STK26: variants seen among roughly 807,000 people sequenced by gnomAD.
The protein encoded by STK26 is serine/threonine-protein kinase 26.
A neutral mutation model predicts 34.7 loss-of-function variants in STK26; 14 were observed. The observed-to-expected ratio is 0.40, with a 90% CI of 0.27 to 0.63. The LOEUF (loss-of-function observed/expected upper bound fraction) is 0.63, where lower values mean the gene tolerates loss of function less well. STK26 is among the 30% of genes least tolerant of loss of function. STK26 has a pLI of 0.38. For missense variants in STK26, 226 were observed against 309.1 expected (o/e 0.73, Z 2.02); for synonymous variants, 100 against 109.8 (o/e 0.91, Z 0.56).
chrX:132,034,431 C>T (rs1020395843), intron 2 of STK26, among the ~76,000 whole-genome samples: 40 of 105,239 alleles, frequency 3.8e-4, no homozygotes, highest in Non-Finnish European at 6.3e-4. Flanking sequence ...CTCAGCCTCC[C>T]GAGTAGCTGG....
chrX:132,057,134 G>C (rs1926887802), intron 3 of STK26, among the ~76,000 whole-genome samples: 1 of 112,404 alleles, frequency 8.9e-6, no homozygotes, highest in African/African-American at 3.2e-5. Flanking sequence ...GGCACTAGTG[G>C]AGTGGCCATG....
At chrX:132,055,474 C>T (rs1926825581) in intron 3 of STK26, 1 of 1,154,893 alleles carries the variant, frequency 8.7e-7, no homozygotes, top group South Asian at 1.9e-5. Context: ...GATTAGCAGA[C>T]ACCTGAAGTT....
chrX:132,027,150 A>T (rs1935116958), intron 2 of STK26, among the ~76,000 whole-genome samples: 2 of 112,167 alleles, frequency 1.8e-5, no homozygotes, highest in South Asian at 3.7e-4. Flanking sequence ...CTGACCCTAA[A>T]GTCTTGTTAG....
At chrX:132,062,308 T>C (rs1010244486) in intron 3 of STK26, among the ~76,000 whole-genome samples, 1 of 112,153 alleles carries the variant, frequency 8.9e-6, no homozygotes, top group African/African-American at 3.2e-5. Flanking sequence ...GTATTTAAGC[T>C]ATAGCTAAAA....
chrX:132,073,853 A>G (rs1429926343), intron 11 of STK26, among the ~76,000 whole-genome samples: 1 of 111,471 alleles, frequency 9.0e-6, no homozygotes, highest in Non-Finnish European at 1.9e-5. Context: ...AGATCTTTCT[A>G]TCTGATAAGG....
chrX:132,062,128 A>G (rs1413020968), intron 3 of STK26, among the ~76,000 whole-genome samples: 1 of 111,969 alleles, frequency 8.9e-6, no homozygotes, highest in Non-Finnish European at 1.9e-5. Flanking sequence ...GCTTGCTTTT[A>G]AAATTCTGAA....
chrX:132,028,928 G>C (rs192322970), intron 2 of STK26, among the ~76,000 whole-genome samples: 1 of 112,471 alleles, frequency 8.9e-6, no homozygotes, highest in Non-Finnish European at 1.9e-5. Flanking sequence ...GCATTGCTTT[G>C]CATTGGTGAA....
chrX:132,027,212 T>C (rs1935118329), intron 2 of STK26, among the ~76,000 whole-genome samples: 1 of 111,828 alleles, frequency 8.9e-6, no homozygotes, highest in Non-Finnish European at 1.9e-5. Context: ...CCAGCAGAGG[T>C]AGACAGACTA....
In STK26 at chrX:132,054,768, C is replaced by T. The variant is rs889806014; in HGVS notation, c.180C>T (p.Ala60=). ...VAIKIIDLEE[A]EDEIEDIQQE... is the part of the protein sequence containing the mutation. ...TTAAAATCATAGACCTTGAGGAAGC[C>T]GAAGATGAAATAGAAGACATTCAGC... The change falls in exon 3 of 12, where the codon GCC becomes GCT. Residue 60 remains alanine (A), a synonymous_variant. Coordinates refer to ENST00000394334, the MANE Select transcript of STK26 (RefSeq NM_016542.4). The T allele has an allele frequency of 1.7e-6, 2 of 1,210,421 alleles. No individual in the cohort carries two copies. The highest frequency in any genetic ancestry group is 1.7e-5 in the African/African-American group (1 of 57,497).
chrX:132,055,353 A>C, intron 3 of STK26: 1 of 728,601 alleles, frequency 1.4e-6, no homozygotes, highest in Non-Finnish European at 2.0e-6. Flanking sequence ...AGCACAGGGT[A>C]TGGTACATCT....
At chrX:132,048,830 C>T (rs1926587698) in intron 2 of STK26, among the ~76,000 whole-genome samples, 1 of 111,700 alleles carries the variant, frequency 9.0e-6, no homozygotes, top group Non-Finnish European at 1.9e-5. Context: ...CATTTCCTTC[C>T]ATTTCTAAAA....
Position 132,023,367 on chromosome X carries a change from A to G in STK26, c.-151A>G. On this transcript the variant is annotated 5_prime_UTR_variant, in exon 1 of 12. Coordinates refer to ENST00000394334, the MANE Select transcript of STK26 (RefSeq NM_016542.4). ...CTCGGCGTTCAGGAAGAGGAGCAGC[A>G]GCGGAGGCGGCTGCTTCAGCGGCGG... 1.9e-6 allele frequency: 1 copy of G among 523,152 alleles called. No individual in the cohort carries two copies. Among genetic ancestry groups the G allele is most frequent in the Non-Finnish European group, 3.5e-6 (1 of 287,354 alleles). 43.1% of individuals were successfully genotyped at this position (523,152 alleles called of 1,213,427 possible).
intron 2 of STK26, among the ~76,000 whole-genome samples, chrX:132,038,429 T>C (rs1281313424): frequency 9.0e-6 from 1 of 111,484 alleles, no homozygotes; most frequent in Non-Finnish European, 1.9e-5. Flanking sequence ...GTAGAAAGCT[T>C]GTGAAAGATC....
intron 2 of STK26, among the ~76,000 whole-genome samples, chrX:132,026,674 G>C (rs774134224): frequency 2.0e-4 from 22 of 112,331 alleles, no homozygotes; most frequent in Non-Finnish European, 3.2e-4. Flanking sequence ...ATTGTTGATT[G>C]TTAAATCTTT....
Position 132,074,416 on chromosome X carries a change from T to G in STK26, c.*257T>G. ...TAAATGTTGAGACACCGTTTTGCTT[T>G]TAAGTATCCCTATTTCTTAAGTTAC... On this transcript the variant is annotated 3_prime_UTR_variant, in exon 12 of 12. Coordinates refer to ENST00000394334, the MANE Select transcript of STK26 (RefSeq NM_016542.4). 3.6e-6 allele frequency: 1 copy of G among 280,793 alleles called. No homozygotes were observed. The highest frequency in any genetic ancestry group is 6.3e-6 in the Non-Finnish European group (1 of 158,101). 23.1% of individuals were successfully genotyped at this position (280,793 alleles called of 1,213,427 possible). A position where few individuals can be genotyped will look rare whatever the true frequency, so the allele number is the denominator to read the frequency against.
chrX:132,059,695 A>G (rs1331380707), intron 3 of STK26, among the ~76,000 whole-genome samples: 1 of 111,815 alleles, frequency 8.9e-6, no homozygotes, highest in Non-Finnish European at 1.9e-5. Flanking sequence ...TAGAATTTGA[A>G]TCATGCCTTT....
In STK26 at chrX:132,054,621, C is replaced by T. The variant is rs779449445; in HGVS notation, c.43-10C>T. On this transcript the variant is annotated splice_polypyrimidine_tract_variant and intron_variant, in intron 2 of 11. Coordinates refer to ENST00000394334, the MANE Select transcript of STK26 (RefSeq NM_016542.4). ...TGTTCTTTCTTTTTCTCGTTCCCCA[C>T]TCCCTTCAGAATAACATAGCTGATC... 9 of 1,181,443 alleles carry T rather than the reference C, an allele frequency of 7.6e-6. No homozygotes were observed. The highest frequency in any genetic ancestry group is 1.0e-5 in the Non-Finnish European group (9 of 876,307).
At chrX:132,028,675 A>G (rs1925706462) in intron 2 of STK26, among the ~76,000 whole-genome samples, 1 of 111,435 alleles carries the variant, frequency 9.0e-6, no homozygotes, top group Admixed American at 9.5e-5. Flanking sequence ...TAAGGGTTGT[A>G]AGAAAAGTAA....
intron 2 of STK26, among the ~76,000 whole-genome samples, chrX:132,029,134 T>C (rs1411412848): frequency 1.8e-5 from 2 of 111,923 alleles, no homozygotes; most frequent in African/African-American, 3.3e-5. Flanking sequence ...ATAGGACATG[T>C]GCCTTCAACA....
Sources: allele counts gnomAD v4.1 joint callset (sites outside exome capture counted in the v4.1 genomes callset), GRCh38; gene constraint gnomAD v4.1.1; transcripts MANE v1.5; gene names NCBI Gene and HGNC (gene_info 2026-07-23, HGNC 2026-07-21).